The following CSMD1 variants were observed in gnomAD, a reference collection of about 807,000 sequenced individuals.
The protein encoded by CSMD1 is CUB and Sushi multiple domains 1.
Under a neutral mutation model 417.5 loss-of-function variants are expected in CSMD1, and 213 were observed. The ratio of observed to expected loss-of-function variants is 0.51; its 90% CI spans 0.46 to 0.57. The LOEUF (loss-of-function observed/expected upper bound fraction) is 0.57, where lower values mean the gene tolerates loss of function less well. Among genes scored for constraint, CSMD1 ranks in the 20% least tolerant of loss-of-function variants. The pLI, the probability that CSMD1 is intolerant of heterozygous loss-of-function variation, is 0.00. For missense variants in CSMD1, 6,923 were observed against 4,529.7 expected (o/e 1.53, Z -15.17); for synonymous variants, 2,862 against 1,736.8 (o/e 1.65, Z -16.11).
intron 5 of CSMD1, among the ~76,000 whole-genome samples, chr8:3,756,246 G>A (rs186206902): frequency 2.2e-4 from 33 of 151,740 alleles, no homozygotes; most frequent in Middle Eastern, 3.4e-3. Context: ...CCAGCTACTC[G>A]GGAGGCTGAG....
chr8:4,016,402 G>T (rs114909308), intron 4 of CSMD1, among the ~76,000 whole-genome samples: 2 of 152,136 alleles, frequency 1.3e-5, no homozygotes, highest in African/African-American at 4.8e-5. Flanking sequence ...GCCAGTGGCA[G>T]AGAAGATGCA....
At chr8:3,389,371 G>T (rs901808672) in intron 17 of CSMD1, among the ~76,000 whole-genome samples, 2 of 152,084 alleles carry the variant, frequency 1.3e-5, no homozygotes, top group Non-Finnish European at 2.9e-5. Context: ...TGCGGCGTTT[G>T]GTTGCCTGTT....
At chr8:3,634,959 T>G (rs920917373) in intron 7 of CSMD1, among the ~76,000 whole-genome samples, 1 of 151,986 alleles carries the variant, frequency 6.6e-6, no homozygotes, top group South Asian at 2.1e-4. Flanking sequence ...TACTGAATAA[T>G]GCAGGCAACT....
At chr8:3,285,949 C>T (rs922946722) in intron 25 of CSMD1, among the ~76,000 whole-genome samples, 3 of 152,088 alleles carry the variant, frequency 2.0e-5, no homozygotes, top group Non-Finnish European at 2.9e-5. Flanking sequence ...CACCATTTAA[C>T]ATTAGATAAA....
chr8:3,035,397 G>C lies in CSMD1; in HGVS notation c.7661-5884C>G, dbSNP rs533338811. On this transcript the variant is annotated intron_variant, in intron 50 of 69. Coordinates refer to ENST00000635120, the MANE Select transcript of CSMD1 (RefSeq NM_033225.6). The stretch of plus-strand genomic sequence containing the variant: ...TTTGTATTTATTTGCAAGTTACAGA[G>C]GAGCAAGGAAGCCCAGGCTCACCCC... 1.4e-4 allele frequency among the ~76,000 whole-genome samples: 21 copies of C among 152,216 alleles called. No homozygotes were observed. The East Asian group carries it at 3.9e-3, about 28-fold the overall frequency.
chr8:3,428,755 C>G (rs1455429246), intron 12 of CSMD1, among the ~76,000 whole-genome samples: 1 of 152,126 alleles, frequency 6.6e-6, no homozygotes, highest in East Asian at 1.9e-4. Flanking sequence ...GCTGCACTCC[C>G]CTGTTCACTG....
chr8:4,203,483 T>A (rs552232242), intron 3 of CSMD1, among the ~76,000 whole-genome samples: 1 of 152,310 alleles, frequency 6.6e-6, no homozygotes, highest in African/African-American at 2.4e-5. Flanking sequence ...GAAGAAAACA[T>A]GTTTATTCTC....
At chr8:4,465,388 T>G (rs1455520836) in intron 2 of CSMD1, among the ~76,000 whole-genome samples, 3 of 152,286 alleles carry the variant, frequency 2.0e-5, no homozygotes, top group East Asian at 1.9e-4. Flanking sequence ...AAACATGGTT[T>G]GAAAGTCTAT....
At chr8:3,921,243 C>G (rs549285075) in intron 5 of CSMD1, among the ~76,000 whole-genome samples, 2 of 152,178 alleles carry the variant, frequency 1.3e-5, no homozygotes, top group Admixed American at 6.5e-5. Context: ...ATTTATATTT[C>G]TGTAATACCT....
chr8:3,447,519 G>A (rs1328540911), intron 12 of CSMD1, among the ~76,000 whole-genome samples: 1 of 152,200 alleles, frequency 6.6e-6, no homozygotes, highest in Non-Finnish European at 1.5e-5. Flanking sequence ...TGTACTTTGT[G>A]CGGCTGGTGT....
At chr8:2,985,695 A>G (rs534231371) in intron 54 of CSMD1, among the ~76,000 whole-genome samples, 2 of 152,318 alleles carry the variant, frequency 1.3e-5, no homozygotes, top group East Asian at 3.9e-4. Flanking sequence ...AAGTCATAGG[A>G]GAGGGTGACT....
intron 3 of CSMD1, among the ~76,000 whole-genome samples, chr8:4,113,125 C>T (rs1464495889): frequency 1.3e-5 from 2 of 152,112 alleles, no homozygotes; most frequent in Non-Finnish European, 2.9e-5. Flanking sequence ...TACTGTTCCA[C>T]TCATCAGCTG....
intron 10 of CSMD1, chr8:3,515,227 C>T (rs1447333853): frequency 6.6e-6 from 1 of 152,188 alleles, no homozygotes; most frequent in Non-Finnish European, 1.5e-5. Context: ...GTACATTTGA[C>T]ATCCTATTTG....
At chr8:4,129,938 G>A (rs1204031141) in intron 3 of CSMD1, among the ~76,000 whole-genome samples, 1 of 151,944 alleles carries the variant, frequency 6.6e-6, no homozygotes, top group Non-Finnish European at 1.5e-5. Context: ...ATATATTTAA[G>A]TTCTTATATC....
At chr8:4,795,686 T>A (rs1239113502) in intron 1 of CSMD1, among the ~76,000 whole-genome samples, 1 of 152,168 alleles carries the variant, frequency 6.6e-6, no homozygotes, top group African/African-American at 2.4e-5. Flanking sequence ...TTATCTTCTG[T>A]GAACTGGGAT....
At chr8:3,649,757 A>G (rs1278796357) in intron 7 of CSMD1, among the ~76,000 whole-genome samples, 1 of 152,168 alleles carries the variant, frequency 6.6e-6, no homozygotes, top group African/African-American at 2.4e-5. Flanking sequence ...TAACCATAAC[A>G]TCATCCATAA....
chr8:3,412,080 A>ATGTATATATACATATATACG lies in CSMD1; in HGVS notation c.1562-2476_1562-2475insCGTATATATGTATATATACA, dbSNP rs1812832788. Among the ~76,000 whole-genome samples, 4 of 22,428 alleles carry ATGTATATATACATATATACG rather than the reference A, an allele frequency of 1.8e-4. 2 individuals are homozygous for ATGTATATATACATATATACG. The highest frequency in any genetic ancestry group is 9.0e-4 in the African/African-American group (4 of 4,458). The allele number at this position is 22,428 out of a possible 152,430, so 14.7% of individuals were successfully genotyped here. ...TACACACGTATATATACATATATACATATATATACACACGTATATATACAT... is the reference window on the plus strand; with the variant it reads ...TACACACGTATATATACATATATACATGTATATATACATATATACGTATATATACACACGTATATATACAT... On this transcript the variant is annotated intron_variant, in intron 12 of 69. Coordinates refer to ENST00000635120, the MANE Select transcript of CSMD1 (RefSeq NM_033225.6).
At chr8:4,175,005 T>C (rs1002025418) in intron 3 of CSMD1, among the ~76,000 whole-genome samples, 6 of 151,820 alleles carry the variant, frequency 4.0e-5, no homozygotes, top group Middle Eastern at 3.4e-3. Context: ...GAATCTCTTA[T>C]CTCACTCTTT....
chr8:3,223,424 G>A (rs1444752321), intron 28 of CSMD1, among the ~76,000 whole-genome samples: 2 of 152,144 alleles, frequency 1.3e-5, no homozygotes, highest in African/African-American at 2.4e-5. Context: ...TACACCAAAT[G>A]TCTCCATACC....
Sources: gnomAD v4.1 joint callset for allele counts (sites outside exome capture counted in the v4.1 genomes callset) on GRCh38, gnomAD v4.1.1 for gene constraint, MANE v1.5 for transcripts, NCBI Gene and HGNC (gene_info 2026-07-23, HGNC 2026-07-21) for gene names.